CUL1: variants seen among roughly 807,000 people sequenced by gnomAD.
CUL1 encodes the protein cullin-1.
CUL1 carries 24 observed loss-of-function variants against 118.0 expected under a neutral mutation model. The ratio of observed to expected loss-of-function variants is 0.20; its 90% CI spans 0.15 to 0.29. The LOEUF (loss-of-function observed/expected upper bound fraction) is 0.29, where lower values mean the gene tolerates loss of function less well. CUL1 is among the 10% of genes least tolerant of loss of function. The pLI, the probability that CUL1 is intolerant of heterozygous loss-of-function variation, is 1.00. For synonymous variants in CUL1, 332 were observed against 340.4 expected, an observed-to-expected ratio of 0.98 and a Z score of 0.27; for missense variants, 361 against 933.8, an observed-to-expected ratio of 0.39 and a Z score of 7.99.
intron 19 of CUL1, among the ~76,000 whole-genome samples, chr7:148,798,344 T>C (rs1801276700): frequency 6.6e-6 from 1 of 152,060 alleles, no homozygotes; most frequent in Non-Finnish European, 1.5e-5. Context: ...GGACCTGGAT[T>C]TTCTGTAATG....
intron 9 of CUL1, among the ~76,000 whole-genome samples, chr7:148,768,618 C>T (rs1800090505): frequency 6.6e-6 from 1 of 152,002 alleles, no homozygotes; most frequent in Non-Finnish European, 1.5e-5. Flanking sequence ...CTCCGGACCT[C>T]AGGTGATTCG....
At chr7:148,738,968 G>T (rs557159604) in intron 2 of CUL1, among the ~76,000 whole-genome samples, 120 of 152,286 alleles carry the variant, frequency 7.9e-4, no homozygotes, top group African/African-American at 2.7e-3. Flanking sequence ...GGGGGGCGGT[G>T]GGTTCAGGGA....
intron 2 of CUL1, among the ~76,000 whole-genome samples, chr7:148,738,080 G>A (rs755897871): frequency 6.6e-6 from 1 of 152,188 alleles, no homozygotes; most frequent in Non-Finnish European, 1.5e-5. Context: ...TTTAGCTAAT[G>A]AGAATGGTTG....
At chr7:148,702,925 C>A (rs1472330672) in intron 1 of CUL1, among the ~76,000 whole-genome samples, 1 of 152,214 alleles carries the variant, frequency 6.6e-6, no homozygotes, top group Non-Finnish European at 1.5e-5. Context: ...TCACATACAT[C>A]CTTCCACTGG....
At chr7:148,726,968 C>T (rs189632394) in intron 1 of CUL1, among the ~76,000 whole-genome samples, 3 of 152,148 alleles carry the variant, frequency 2.0e-5, no homozygotes, top group East Asian at 3.9e-4. Context: ...GCCGTGATCA[C>T]GCCACTGCAC....
intron 11 of CUL1, among the ~76,000 whole-genome samples, chr7:148,784,365 C>T (rs957230620): frequency 2.6e-5 from 4 of 152,124 alleles, no homozygotes; most frequent in Non-Finnish European, 5.9e-5. Flanking sequence ...AGATCGGGCA[C>T]GTTCAGTTCA....
intron 1 of CUL1, among the ~76,000 whole-genome samples, chr7:148,710,300 C>T (rs998919531): frequency 2.0e-4 from 22 of 112,452 alleles, no homozygotes; most frequent in African/African-American, 8.6e-4. Context: ...GTGGGCCGGG[C>T]GCGGTACGCC....
At chr7:148,714,556 T>C (rs1173362483) in intron 1 of CUL1, among the ~76,000 whole-genome samples, 1 of 152,178 alleles carries the variant, frequency 6.6e-6, no homozygotes, top group African/African-American at 2.4e-5. Context: ...GAATTGGCCT[T>C]ATAGAAAGAA....
chr7:148,788,133 TC>T (rs1179316241), intron 13 of CUL1, among the ~76,000 whole-genome samples: 1 of 152,098 alleles, frequency 6.6e-6, no homozygotes, highest in Non-Finnish European at 1.5e-5. Context: ...AGCACACCAA[TC>T]CCATTGTGAG....
At chr7:148,705,422 A>G (rs1345865634) in intron 1 of CUL1, among the ~76,000 whole-genome samples, 1 of 152,268 alleles carries the variant, frequency 6.6e-6, no homozygotes, top group Non-Finnish European at 1.5e-5. Flanking sequence ...AGAGGCTACC[A>G]TCAATTATTT....
intron 5 of CUL1, 44 bp downstream of exon 5, chr7:148,759,398 T>G: frequency 6.3e-7 from 1 of 1,597,112 alleles, no homozygotes; most frequent in Non-Finnish European, 8.6e-7. Flanking sequence ...TTAAAATCCC[T>G]TCGCAGTTTC....
At chr7:148,752,046 A>G (rs1799507441) in intron 2 of CUL1, among the ~76,000 whole-genome samples, 1 of 152,146 alleles carries the variant, frequency 6.6e-6, no homozygotes, top group East Asian at 1.9e-4. Flanking sequence ...CCCAGGAGGT[A>G]GAGGTTGTGA....
At position 148,753,966 on chromosome 7, in the gene CUL1, T is replaced by G. The variant is rs1204892513; in HGVS notation, c.141-10T>G. 1 of 1,579,380 alleles carries G rather than the reference T, an allele frequency of 6.3e-7. No individual in the cohort carries two copies. Among genetic ancestry groups the G allele is most frequent in the Non-Finnish European group, 8.6e-7 (1 of 1,168,274 alleles). On this transcript the variant is annotated splice_polypyrimidine_tract_variant and intron_variant, in intron 2 of 21. Transcript: ENST00000325222. ...GTGATATATGTTGGTTTCCTTAACT[T>G]TTCTCCAAGTCATGTTTATAACTAC...
intron 2 of CUL1, among the ~76,000 whole-genome samples, chr7:148,752,842 T>C (rs758327069): frequency 7.5e-4 from 114 of 152,176 alleles, no homozygotes; most frequent in Non-Finnish European, 1.4e-3. Flanking sequence ...TTAGTAGAGA[T>C]GGGGTTTCAC....
In CUL1 at chr7:148,742,598, G is replaced by GTTTTTTTTTTTTT. The variant is rs59592789; in HGVS notation, c.141-11372_141-11360dup. 1.2e-3 allele frequency among the ~76,000 whole-genome samples: 135 copies of GTTTTTTTTTTTTT among 112,160 alleles called. 6 individuals are homozygous for GTTTTTTTTTTTTT. Among genetic ancestry groups the GTTTTTTTTTTTTT allele is most frequent in the Middle Eastern group, 0.011 (2 of 186 alleles). The allele number at this position is 112,160 out of a possible 152,430, so 73.6% of individuals were successfully genotyped here. On this transcript the variant is annotated intron_variant, in intron 2 of 21. Transcript: ENST00000325222. ...TTCTTAAATCTTTCTACCTTTTCTG[G>GTTTTTTTTTTTTT]TTTTTTTTTTTTTTTTTTGAGTTGG...
At chr7:148,790,609 A>G (rs893662074) in intron 16 of CUL1, among the ~76,000 whole-genome samples, 168 bp downstream of exon 16, 26 of 152,332 alleles carry the variant, frequency 1.7e-4, no homozygotes, top group African/African-American at 5.3e-4. Flanking sequence ...CCAAATTCCA[A>G]TTCTTTCTGG....
At chr7:148,728,852 G>T (rs1019514950) in intron 1 of CUL1, among the ~76,000 whole-genome samples, 2 of 152,182 alleles carry the variant, frequency 1.3e-5, no homozygotes, top group African/African-American at 4.8e-5. Context: ...TGCCATTGAG[G>T]ATATAGGATG....
At chr7:148,706,428 G>T (rs953328397) in intron 1 of CUL1, among the ~76,000 whole-genome samples, 5 of 151,978 alleles carry the variant, frequency 3.3e-5, no homozygotes, top group African/African-American at 1.2e-4. Context: ...ACACAGCATG[G>T]GAATATATTA....
rs56093418 is a variant in CUL1, at chr7:148,744,397, AGTGTGTGTGTGTGTGT to A, written c.141-9553_141-9538del. On this transcript the variant is annotated intron_variant, in intron 2 of 21. Transcript: ENST00000325222. ...TAATATATTTGTTGGTTGTTTCTGC[AGTGTGTGTGTGTGTGT>A]GTGTGTGTGTGTGTGTGTGTGTGTG... 2.4e-3 allele frequency among the ~76,000 whole-genome samples: 347 copies of A among 144,086 alleles called. 3 individuals carry two copies. In the East Asian group the frequency reaches 0.038, roughly 16 times the overall value. 94.5% of individuals were successfully genotyped at this position (144,086 alleles called of 152,430 possible). A position where few individuals can be genotyped will look rare whatever the true frequency, so the allele number is the denominator to read the frequency against.
Sources: allele counts gnomAD v4.1 joint callset (sites outside exome capture counted in the v4.1 genomes callset), GRCh38; gene constraint gnomAD v4.1.1; transcripts MANE v1.5; gene names NCBI Gene and HGNC (gene_info 2026-07-23, HGNC 2026-07-21).